Variants in OTOA observed in about 807,000 individuals in gnomAD.
OTOA encodes the protein otoancorin.
Under a neutral mutation model 110.8 loss-of-function variants are expected in OTOA, and 70 were observed. The ratio of observed to expected loss-of-function variants is 0.63; its 90% CI spans 0.52 to 0.77. The LOEUF (loss-of-function observed/expected upper bound fraction) is 0.77. Ranked by LOEUF, OTOA falls within the 30% of genes least tolerant of loss-of-function variation. The pLI, the probability that OTOA is intolerant of heterozygous loss-of-function variation, is 0.00. For missense variants in OTOA, 917 were observed against 1,075.8 expected, an observed-to-expected ratio of 0.85 and a Z score of 2.06; for synonymous variants, 373 against 431.5, an observed-to-expected ratio of 0.86 and a Z score of 1.68.
chr16:21,674,140 G>A lies in OTOA; in HGVS notation c.-4-4371G>A, dbSNP rs574056718. Among the ~76,000 whole-genome samples, 15 of 151,784 alleles carry A rather than the reference G, an allele frequency of 9.9e-5. No individual in the cohort carries two copies. The South Asian group carries it at 3.1e-3, about 32-fold the overall frequency. On this transcript the variant is annotated intron_variant, in intron 1 of 28. Transcript: ENST00000646100. ...TGAACATAAATTTTCATTTTTCTGG[G>A]ATAAATGCCCAAGAGTGTAATTGTT...
chr16:21,675,107 TTCTTTCTTTTTCTTTCTC>T (rs1966855038), intron 1 of OTOA, among the ~76,000 whole-genome samples: 1 of 133,516 alleles, frequency 7.5e-6, no homozygotes. Flanking sequence ...CTTTCTTTCT[TTCTTTCTTTTTCTTTCTC>T]TCTTTCTTTC....
At chr16:21,696,051 C>T (rs1457620818) in intron 9 of OTOA, among the ~76,000 whole-genome samples, 2 of 151,184 alleles carry the variant, frequency 1.3e-5, no homozygotes, top group East Asian at 1.9e-4. Flanking sequence ...TGCGCTACCA[C>T]GCCTGGCTAA....
rs568335252 is a variant in OTOA, at chr16:21,719,208, C to T, written c.1688+17C>T. 78 of 1,614,002 alleles carry T rather than the reference C, an allele frequency of 4.8e-5. No homozygotes were observed. Among genetic ancestry groups the T allele is most frequent in the Middle Eastern group, 3.3e-4 (2 of 6,020 alleles). The stretch of plus-strand genomic sequence containing the variant: ...GCTTTTGAGGTAGGAAAATGTAACT[C>T]GGCCTGGGTGCTGAACAGGCCTTTC... On this transcript the variant is annotated intron_variant, in intron 16 of 28. Transcript: ENST00000646100.
Position 21,715,137 on chromosome 16 carries a change from A to T in OTOA, c.1473A>T (p.Gln491His). The T allele has an allele frequency of 6.2e-7, 1 of 1,614,152 alleles. No homozygotes were observed. The highest frequency in any genetic ancestry group is 8.5e-7 in the Non-Finnish European group (1 of 1,180,008). Residue 491 changes from glutamine (Q) to histidine (H), a missense_variant, in exon 14 of 29, where the codon CAA (glutamine) becomes CAT (histidine). Gln to His is a conservative substitution (Grantham distance 24). Coordinates refer to ENST00000646100, the MANE Select transcript of OTOA (RefSeq NM_144672.4). ...YVSDLSPAQQQGILSKMVQAE... is the reference protein window; with the variant it reads ...YVSDLSPAQQHGILSKMVQAE... ...CCGACTTGTCACCTGCCCAGCAGCA[A>T]GGTATCCTCAGCAAGGTGAGAGGAA...
chr16:21,701,687 T>A (rs530467134), intron 11 of OTOA, among the ~76,000 whole-genome samples: 1 of 152,202 alleles, frequency 6.6e-6, no homozygotes, highest in South Asian at 2.1e-4. Context: ...GATGTGACCT[T>A]GGCTCACTGC....
chr16:21,750,217 C>T (rs1166379835), intron 24 of OTOA, among the ~76,000 whole-genome samples: 67 of 150,756 alleles, frequency 4.4e-4, no homozygotes, highest in African/African-American at 1.5e-3. Flanking sequence ...GAGTTTGAGA[C>T]CAGCCTGGCC....
intron 21 of OTOA, among the ~76,000 whole-genome samples, chr16:21,731,986 G>A (rs1015194825): frequency 7.2e-5 from 11 of 151,836 alleles, no homozygotes; most frequent in Admixed American, 2.0e-4. Context: ...TTTATTTTGC[G>A]ATGGAGTCTC....
intron 22 of OTOA, among the ~76,000 whole-genome samples, chr16:21,737,437 CTGG>C (rs1379815527): frequency 6.6e-6 from 1 of 152,218 alleles, no homozygotes; most frequent in African/African-American, 2.4e-5. Context: ...GTTGGCCAGG[CTGG>C]TCTTGAACGC....
intron 10 of OTOA, 149 bp from the exon 11 acceptor site, chr16:21,700,739 A>T: frequency 1.1e-6 from 1 of 914,302 alleles, no homozygotes; most frequent in Non-Finnish European, 1.6e-6. Context: ...AAAAAAAAAA[A>T]GAAAAGAAAA....
chr16:21,721,839 T>A (rs1898752012), intron 17 of OTOA, among the ~76,000 whole-genome samples: 1 of 151,396 alleles, frequency 6.6e-6, no homozygotes, highest in Non-Finnish European at 1.5e-5. Flanking sequence ...TGGCAGTGAG[T>A]TATGATGGAG....
intron 6 of OTOA, chr16:21,684,393 C>T (rs1776153537): frequency 1.4e-6 from 2 of 1,472,400 alleles, no homozygotes; most frequent in South Asian, 2.7e-5. Flanking sequence ...GGCTTCTGCT[C>T]CTTGCCCTGT....
intron 12 of OTOA, among the ~76,000 whole-genome samples, chr16:21,707,008 T>A (rs954788980): frequency 6.6e-6 from 1 of 151,766 alleles, no homozygotes; most frequent in African/African-American, 2.4e-5. Flanking sequence ...GGACTACAGG[T>A]GCATGCCACC....
At chr16:21,692,015 TA>T (rs1302808362) in intron 9 of OTOA, among the ~76,000 whole-genome samples, 1 of 152,174 alleles carries the variant, frequency 6.6e-6, no homozygotes, top group South Asian at 2.1e-4. Flanking sequence ...AAAATCTGTA[TA>T]AAAAAATCTA....
intron 18 of OTOA, among the ~76,000 whole-genome samples, chr16:21,724,111 G>A (rs1487975914): frequency 6.6e-6 from 1 of 152,180 alleles, no homozygotes; most frequent in African/African-American, 2.4e-5. Flanking sequence ...TTAGGACAGA[G>A]GTGGAAGAAC....
Position 21,664,215 on chromosome 16 carries a change from C to T in OTOA, c.-22C>T, listed in dbSNP as rs1171703515. The T allele has an allele frequency of 6.6e-6, 1 of 152,212 alleles. No individual in the cohort carries two copies. The highest frequency in any genetic ancestry group is 1.5e-5 in the Non-Finnish European group (1 of 68,078). The allele number at this position is 152,212 out of a possible 1,614,324, so 9.4% of individuals were successfully genotyped here. A position where few individuals can be genotyped will look rare whatever the true frequency, so the allele number is the denominator to read the frequency against. On this transcript the variant is annotated 5_prime_UTR_variant, in exon 1 of 29. Coordinates refer to ENST00000646100, the MANE Select transcript of OTOA (RefSeq NM_144672.4). ...CGCCCGCCCGTGGGACTCAGTGCGG[C>T]CAAGCCGGGCTCCGCAGGTGAGGCG...
chr16:21,714,457 TC>T (rs1397872024), intron 13 of OTOA, among the ~76,000 whole-genome samples: 33 of 81,546 alleles, frequency 4.0e-4, no homozygotes, highest in South Asian at 1.3e-3. Context: ...TCTCTCTCTC[TC>T]TCTTCTTTCT....
intron 1 of OTOA, among the ~76,000 whole-genome samples, chr16:21,665,389 T>C (rs1440084597): frequency 6.6e-6 from 1 of 152,194 alleles, no homozygotes; most frequent in Non-Finnish European, 1.5e-5. Context: ...TCTACAAGAA[T>C]TAAGCGAGAC....
At chr16:21,675,065 CTTTCTTTCTTTCTTTCTTT>C (rs1966854678) in intron 1 of OTOA, among the ~76,000 whole-genome samples, 1 of 24,752 alleles carries the variant, frequency 4.0e-5, no homozygotes, top group Admixed American at 4.5e-4. Context: ...TTCTTTCTGT[CTTTCTTTCTTTCTTTCTTT>C]CTTTCTTTCT....
At chr16:21,727,026 T>C (rs1898942371) in intron 19 of OTOA, 1 of 267,458 alleles carries the variant, frequency 3.7e-6, no homozygotes, top group African/African-American at 2.3e-5. Flanking sequence ...TTTTTTTTTT[T>C]TTTTTTTTGG....
Sources: gnomAD v4.1 joint callset for allele counts (sites outside exome capture counted in the v4.1 genomes callset) on GRCh38, gnomAD v4.1.1 for gene constraint, MANE v1.5 for transcripts, NCBI Gene and HGNC (gene_info 2026-07-23, HGNC 2026-07-21) for gene names.